NAV2: variants seen among roughly 807,000 people sequenced by gnomAD.
NAV2 encodes helicase, APC down-regulated 1.
In NAV2, 54 loss-of-function variants were observed where a neutral mutation model predicts 223.2. That is an observed-to-expected ratio of 0.24 (90% CI 0.19 to 0.30). NAV2 has a LOEUF of 0.30. NAV2 is among the 10% of genes least tolerant of loss of function. The pLI is 1.00. For synonymous variants in NAV2, 1,279 were observed against 1,239.3 expected (o/e 1.03, Z -0.67); for missense variants, 2,806 against 3,147.5 (o/e 0.89, Z 2.60).
intron 1 of NAV2, among the ~76,000 whole-genome samples, chr11:19,572,617 G>A (rs140713794): frequency 4.8e-4 from 73 of 152,278 alleles, no homozygotes; most frequent in African/African-American, 8.2e-4. Context: ...TGACTTCCAT[G>A]TTTTTAAGGT....
intron 1 of NAV2, among the ~76,000 whole-genome samples, chr11:19,749,559 TA>T (rs1402130027): frequency 2.0e-5 from 3 of 152,200 alleles, no homozygotes; most frequent in Non-Finnish European, 4.4e-5. Context: ...ACGTCTGAAT[TA>T]AGCTCCTTAT....
At chr11:20,008,107 C>A (rs1850770188) in intron 11 of NAV2, among the ~76,000 whole-genome samples, 1 of 152,260 alleles carries the variant, frequency 6.6e-6, no homozygotes, top group Admixed American at 6.5e-5. Flanking sequence ...TGGCTTATGC[C>A]TGTAATCCCA....
At chr11:19,994,761 C>G (rs1216289398) in intron 11 of NAV2, among the ~76,000 whole-genome samples, 1 of 152,098 alleles carries the variant, frequency 6.6e-6, no homozygotes, top group Non-Finnish European at 1.5e-5. Context: ...ATGTTTCTAT[C>G]CAAGATTACT....
At chr11:19,963,177 G>A (rs1308597203) in intron 10 of NAV2, among the ~76,000 whole-genome samples, 1 of 152,168 alleles carries the variant, frequency 6.6e-6, no homozygotes, top group African/African-American at 2.4e-5. Flanking sequence ...AGTTTATTAT[G>A]TGCTAGGCAC....
intron 1 of NAV2, among the ~76,000 whole-genome samples, chr11:19,546,218 C>T (rs1034145348): frequency 1.1e-4 from 16 of 152,324 alleles, no homozygotes; most frequent in African/African-American, 3.6e-4. Context: ...TGTGGGGTCT[C>T]GAGCAAGGCC....
At chr11:19,768,075 G>A (rs931923180) in intron 1 of NAV2, among the ~76,000 whole-genome samples, 1 of 152,232 alleles carries the variant, frequency 6.6e-6, no homozygotes, top group Non-Finnish European at 1.5e-5. Context: ...GTGATGCCAG[G>A]GCACAGGGTC....
At chr11:19,488,921 G>T (rs377444689) in intron 1 of NAV2, among the ~76,000 whole-genome samples, 1 of 152,202 alleles carries the variant, frequency 6.6e-6, no homozygotes, top group South Asian at 2.1e-4. Context: ...TGTCTGTCCT[G>T]CTTTCTTTGG....
intron 6 of NAV2, among the ~76,000 whole-genome samples, chr11:19,922,888 A>G (rs1459045037): frequency 6.6e-6 from 1 of 152,074 alleles, no homozygotes; most frequent in Non-Finnish European, 1.5e-5. Flanking sequence ...GATCCCATGG[A>G]TTTTCATGGC....
chr11:20,038,822 A>T (rs141075654), intron 12 of NAV2, among the ~76,000 whole-genome samples: 38 of 152,318 alleles, frequency 2.5e-4, no homozygotes, highest in African/African-American at 8.4e-4. Context: ...TTGCTGTTTG[A>T]AAAGCCTCTG....
intron 1 of NAV2, among the ~76,000 whole-genome samples, chr11:19,687,561 C>A (rs2049057247): frequency 6.6e-6 from 1 of 152,066 alleles, no homozygotes; most frequent in African/African-American, 2.4e-5. Context: ...GAGAATATTC[C>A]CTGGAGCTAT....
chr11:19,756,709 G>A (rs1258540738), intron 1 of NAV2, among the ~76,000 whole-genome samples: 4 of 152,180 alleles, frequency 2.6e-5, no homozygotes, highest in East Asian at 1.9e-4. Flanking sequence ...TCAGTATGCC[G>A]CGTGAAACTA....
chr11:19,620,667 T>A (rs1169206369), intron 1 of NAV2, among the ~76,000 whole-genome samples: 2 of 152,198 alleles, frequency 1.3e-5, no homozygotes, highest in African/African-American at 2.4e-5. Context: ...AGGGCTGAGA[T>A]GACTGGATTT....
At chr11:19,995,896 T>G (rs1477207206) in intron 11 of NAV2, among the ~76,000 whole-genome samples, 1 of 152,130 alleles carries the variant, frequency 6.6e-6, no homozygotes, top group Non-Finnish European at 1.5e-5. Flanking sequence ...AAATCAGCAC[T>G]AATAGTGGGT....
Position 20,005,027 on chromosome 11 carries a change from T to C in NAV2, c.2768+20780T>C, listed in dbSNP as rs187371645. On this transcript the variant is annotated intron_variant, in intron 11 of 37. Transcript: ENST00000349880. ...TAATCCCAATAAACAATAGCTATTA[T>C]TGGGAAGGAAGTTTAAGCTCCAAGG... Among the ~76,000 whole-genome samples the C allele has an allele frequency of 5.9e-5, 9 of 152,072 alleles. No homozygotes were observed. In the East Asian group the frequency reaches 1.7e-3, roughly 29 times the overall value.
intron 1 of NAV2, among the ~76,000 whole-genome samples, chr11:19,618,733 G>C (rs943858317): frequency 7.2e-5 from 11 of 152,032 alleles, no homozygotes; most frequent in Non-Finnish European, 1.2e-4. Flanking sequence ...GGGCTCTGAG[G>C]GGAGATATAT....
At chr11:19,868,296 T>C (rs2062224300) in intron 3 of NAV2, among the ~76,000 whole-genome samples, 1 of 152,188 alleles carries the variant, frequency 6.6e-6, no homozygotes, top group Non-Finnish European at 1.5e-5. Context: ...ATGACCTAAT[T>C]GTTCTTTTGG....
chr11:19,925,830 A>T (rs1283323756), intron 6 of NAV2, among the ~76,000 whole-genome samples: 1 of 152,144 alleles, frequency 6.6e-6, no homozygotes, highest in Non-Finnish European at 1.5e-5. Context: ...TATTGAAAAG[A>T]CCATTCTTTC....
chr11:19,706,309 T>A (rs972363089), intron 1 of NAV2, among the ~76,000 whole-genome samples: 3 of 152,216 alleles, frequency 2.0e-5, no homozygotes, highest in Non-Finnish European at 1.5e-5. Context: ...ACTTAACTTA[T>A]AGAAGTAGGA....
intron 1 of NAV2, among the ~76,000 whole-genome samples, chr11:19,647,172 G>T (rs963643566): frequency 6.6e-6 from 1 of 152,174 alleles, no homozygotes; most frequent in Non-Finnish European, 1.5e-5. Context: ...GAAAACCACA[G>T]GCCTGAGAGG....
Sources: gnomAD v4.1 joint callset for allele counts (sites outside exome capture counted in the v4.1 genomes callset) on GRCh38, gnomAD v4.1.1 for gene constraint, MANE v1.5 for transcripts, NCBI Gene and HGNC (gene_info 2026-07-23, HGNC 2026-07-21) for gene names.